SLIT2: variants seen among roughly 807,000 people sequenced by gnomAD.
SLIT2 encodes the protein slit homolog 2 protein.
SLIT2 carries 41 observed loss-of-function variants against 185.7 expected under a neutral mutation model. The observed-to-expected ratio is 0.22, with a 90% CI of 0.17 to 0.29. SLIT2 has a LOEUF of 0.29. Among genes scored for constraint, SLIT2 ranks in the 10% least tolerant of loss-of-function variants. The probability of loss-of-function intolerance (pLI) is 1.00; values close to 1 mark genes in which losing one functional copy is unlikely to be tolerated. For synonymous variants in SLIT2, 693 were observed against 680.2 expected (o/e 1.02, Z -0.29); for missense variants, 1,571 against 1,909.0 (o/e 0.82, Z 3.30).
rs142830338 is a variant in SLIT2, at chr4:20,550,943, C to G, written c.2561+45C>G. 3.0e-4 allele frequency: 313 copies of G among 1,035,258 alleles called. 1 individual carries two copies. In the African/African-American group the frequency reaches 3.7e-3, roughly 12 times the overall value. 64.1% of individuals were successfully genotyped at this position (1,035,258 alleles called of 1,614,324 possible). A position where few individuals can be genotyped will look rare whatever the true frequency, so the allele number is the denominator to read the frequency against. ...ATATAGGTTTAGGGTCAAACACTTC[C>G]TAATGAGTGACTTGGAACATTCCTC... is the stretch of plus-strand genomic sequence containing the variant. On this transcript the variant is annotated intron_variant, in intron 25 of 36. Coordinates refer to ENST00000504154, the MANE Select transcript of SLIT2 (RefSeq NM_004787.4).
chr4:20,338,749 A>C (rs1454118558), intron 4 of SLIT2, among the ~76,000 whole-genome samples: 2 of 152,144 alleles, frequency 1.3e-5, no homozygotes, highest in African/African-American at 4.8e-5. Context: ...ATCTCTTCTT[A>C]TGAGAACAAA....
At chr4:20,569,515 C>G (rs1725385797) in intron 29 of SLIT2, among the ~76,000 whole-genome samples, 2 of 152,000 alleles carry the variant, frequency 1.3e-5, no homozygotes, top group Admixed American at 1.3e-4. Flanking sequence ...CACCTTTTTT[C>G]TAACACTTTT....
At chr4:20,572,949 T>C (rs1193444912) in intron 29 of SLIT2, among the ~76,000 whole-genome samples, 2 of 152,232 alleles carry the variant, frequency 1.3e-5, no homozygotes, top group Non-Finnish European at 2.9e-5. Flanking sequence ...CTGACGCCCA[T>C]GCACAAGCCA....
chr4:20,363,553 T>A (rs1367739329), intron 4 of SLIT2, among the ~76,000 whole-genome samples: 1 of 152,102 alleles, frequency 6.6e-6, no homozygotes, highest in African/African-American at 2.4e-5. Flanking sequence ...GTATTTCTAA[T>A]CAGAATTTTC....
chr4:20,510,549 T>C lies in SLIT2; in HGVS notation c.969T>C (p.Tyr323=). Residue 323 remains tyrosine (Y), a synonymous_variant, in exon 10 of 37, where the codon TAT becomes TAC. Coordinates refer to ENST00000504154, the MANE Select transcript of SLIT2 (RefSeq NM_004787.4). ...KVIPPGAFSP[Y]KKLRRIDLSN... ...TCCCTCCTGGAGCTTTCTCACCATA[T>C]AAAAAGCTTAGACGAATGTGAGTGA... 2 of 1,605,194 alleles carry C rather than the reference T, an allele frequency of 1.2e-6. No individual in the cohort carries two copies. Among genetic ancestry groups the C allele is most frequent in the Non-Finnish European group, 1.7e-6 (2 of 1,172,376 alleles).
At chr4:20,467,343 T>G (rs16869626) in intron 4 of SLIT2, among the ~76,000 whole-genome samples, 1,813 of 152,216 alleles carry the variant, frequency 0.012, 33 homozygotes, top group African/African-American at 0.041. Context: ...GTAGGATGCT[T>G]TCCTATATAC....
chr4:20,608,045 T>TA lies in SLIT2; in HGVS notation c.3693-1962dup, dbSNP rs560043711. On this transcript the variant is annotated intron_variant, in intron 33 of 36. Transcript: ENST00000504154. ...TTTAAAATAAAGCTAAATTCTTTAC[T>TA]AAAAAAGATTCAGAAATGGTATTGA... Among the ~76,000 whole-genome samples the TA allele has an allele frequency of 2.5e-3, 375 of 152,232 alleles. 1 individual carries two copies. Among genetic ancestry groups the TA allele is most frequent in the Non-Finnish European group, 3.5e-3 (236 of 67,964 alleles).
At chr4:20,486,359 A>G in intron 7 of SLIT2, 88 bp downstream of exon 7, 1 of 762,448 alleles carries the variant, frequency 1.3e-6, no homozygotes, top group South Asian at 1.6e-5. Context: ...GGACAGGACC[A>G]CTGGTTTACA....
intron 11 of SLIT2, among the ~76,000 whole-genome samples, chr4:20,514,540 AG>A (rs1720029498): frequency 2.6e-5 from 4 of 151,664 alleles, no homozygotes; most frequent in Non-Finnish European, 4.4e-5. Context: ...AGCTACTCGG[AG>A]AGTTGAGGCA....
chr4:20,389,992 G>A (rs13142826), intron 4 of SLIT2, among the ~76,000 whole-genome samples: 19,523 of 151,964 alleles, frequency 0.13, 1,462 homozygotes, highest in Admixed American at 0.22. Flanking sequence ...AAGAATCTCA[G>A]CTAGCTTTGT....
At chr4:20,564,783 AT>A (rs3836702) in intron 26 of SLIT2, among the ~76,000 whole-genome samples, 60,714 of 147,942 alleles carry the variant, frequency 0.41, 13,455 homozygotes, top group East Asian at 0.82. Flanking sequence ...TGTTATCTTG[AT>A]TTTTTTTTTT....
At chr4:20,581,427 C>T (rs963422032) in intron 29 of SLIT2, among the ~76,000 whole-genome samples, 30 of 152,174 alleles carry the variant, frequency 2.0e-4, no homozygotes, top group Admixed American at 1.8e-3. Flanking sequence ...ATTGAATCCT[C>T]AACACCACAT....
chr4:20,316,255 T>A (rs557948087), intron 4 of SLIT2, among the ~76,000 whole-genome samples: 1 of 152,088 alleles, frequency 6.6e-6, no homozygotes, highest in African/African-American at 2.4e-5. Context: ...CTTTGGCACT[T>A]AATTTTTATT....
chr4:20,595,883 A>T (rs762507129), intron 31 of SLIT2, 49 bp downstream of exon 31: 1 of 1,491,114 alleles, frequency 6.7e-7, no homozygotes, highest in South Asian at 1.2e-5. Flanking sequence ...ACCTAGCACA[A>T]CAGGGTGACT....
chr4:20,309,756 TTC>T (rs200472682), intron 4 of SLIT2, among the ~76,000 whole-genome samples: 21,118 of 94,648 alleles, frequency 0.22, 2,747 homozygotes, highest in East Asian at 0.62. Context: ...TAGTCTTTCT[TTC>T]TTTTTTTTTT....
At chr4:20,605,226 T>C (rs1431729466) in intron 33 of SLIT2, among the ~76,000 whole-genome samples, 1 of 152,166 alleles carries the variant, frequency 6.6e-6, no homozygotes, top group Non-Finnish European at 1.5e-5. Flanking sequence ...TGTTTATCAT[T>C]GTTAGTGTGT....
At chr4:20,511,841 A>G (rs1719786828) in intron 11 of SLIT2, among the ~76,000 whole-genome samples, 1 of 151,920 alleles carries the variant, frequency 6.6e-6, no homozygotes, top group Non-Finnish European at 1.5e-5. Context: ...TGCTGAGAAC[A>G]CTTGAAGATG....
At chr4:20,542,732 A>C (rs1289771412) in intron 21 of SLIT2, 106 bp downstream of exon 21, 2 of 1,195,908 alleles carry the variant, frequency 1.7e-6, no homozygotes, top group Admixed American at 4.1e-5. Flanking sequence ...TACAAATCAT[A>C]TTCTAAGGCC....
intron 11 of SLIT2, among the ~76,000 whole-genome samples, chr4:20,511,415 T>A (rs7694286): frequency 0.15 from 21,762 of 147,014 alleles, 1,772 homozygotes; most frequent in East Asian, 0.26. Context: ...ACCATTTTTT[T>A]ATTTCTTTTT....
Sources: gnomAD v4.1 joint callset for allele counts (sites outside exome capture counted in the v4.1 genomes callset) on GRCh38, gnomAD v4.1.1 for gene constraint, MANE v1.5 for transcripts, NCBI Gene and HGNC (gene_info 2026-07-23, HGNC 2026-07-21) for gene names.